DNAJC1: variants seen among roughly 807,000 people sequenced by gnomAD.
DNAJC1 encodes the protein DnaJ heat shock protein family (Hsp40) member C1.
DNAJC1 carries 58 observed loss-of-function variants against 76.6 expected under a neutral mutation model. That is an observed-to-expected ratio of 0.76 (90% CI 0.61 to 0.94). The LOEUF (loss-of-function observed/expected upper bound fraction) is 0.94. Among genes scored for constraint, DNAJC1 ranks in the 40% least tolerant of loss-of-function variants. The probability of loss-of-function intolerance (pLI) is 0.00; values close to 1 mark genes in which losing one functional copy is unlikely to be tolerated. For missense variants in DNAJC1, 689 were observed against 677.3 expected (o/e 1.02, Z -0.19); for synonymous variants, 258 against 267.9 (o/e 0.96, Z 0.36).
chr10:21,834,508 G>A (rs941973442), intron 8 of DNAJC1, among the ~76,000 whole-genome samples: 7 of 152,184 alleles, frequency 4.6e-5, no homozygotes, highest in African/African-American at 7.2e-5. Flanking sequence ...TACGCGAGCC[G>A]AAGCAGGGCG....
At chr10:21,932,542 G>T (rs964470830) in intron 1 of DNAJC1, among the ~76,000 whole-genome samples, 18 of 152,104 alleles carry the variant, frequency 1.2e-4, no homozygotes, top group African/African-American at 3.9e-4. Context: ...CAGCAATTAG[G>T]CAAGCACTTA....
intron 10 of DNAJC1, among the ~76,000 whole-genome samples, chr10:21,761,904 AT>A (rs1054972509): frequency 1.3e-5 from 2 of 151,724 alleles, no homozygotes; most frequent in Non-Finnish European, 2.9e-5. Context: ...TGAAAACACA[AT>A]TTTTTTTTAT....
chr10:21,823,102 A>G (rs1192129738), intron 8 of DNAJC1, among the ~76,000 whole-genome samples: 2 of 152,164 alleles, frequency 1.3e-5, no homozygotes, highest in Non-Finnish European at 2.9e-5. Context: ...TTTAAAAACA[A>G]GTGTTATTTA....
At chr10:21,874,508 T>C (rs753923705) in intron 8 of DNAJC1, among the ~76,000 whole-genome samples, 28 of 151,784 alleles carry the variant, frequency 1.8e-4, no homozygotes, top group Non-Finnish European at 3.5e-4. Flanking sequence ...ATGAGAACAT[T>C]ATGCCAAATT....
At chr10:21,768,750 T>C (rs191373447) in intron 9 of DNAJC1, among the ~76,000 whole-genome samples, 20 of 152,240 alleles carry the variant, frequency 1.3e-4, no homozygotes, top group Non-Finnish European at 2.5e-4. Context: ...CCTTGACTTC[T>C]GAATTTCCCA....
At chr10:21,847,332 T>G (rs993645212) in intron 8 of DNAJC1, among the ~76,000 whole-genome samples, 1 of 152,166 alleles carries the variant, frequency 6.6e-6, no homozygotes, top group Non-Finnish European at 1.5e-5. Flanking sequence ...ATATAATAAT[T>G]GGACATATTT....
chr10:21,907,275 C>T (rs1333942294), intron 6 of DNAJC1, among the ~76,000 whole-genome samples: 1 of 151,988 alleles, frequency 6.6e-6, no homozygotes, highest in Non-Finnish European at 1.5e-5. Flanking sequence ...CTTCCTTTTG[C>T]TCCATTTCTA....
At chr10:21,962,459 CTTT>C (rs34817098) in intron 1 of DNAJC1, among the ~76,000 whole-genome samples, 3 of 39,888 alleles carry the variant, frequency 7.5e-5, no homozygotes, top group Admixed American at 4.3e-4. Context: ...TATTTTATTG[CTTT>C]TTTTTTTTTT....
intron 1 of DNAJC1, among the ~76,000 whole-genome samples, chr10:21,940,944 A>T (rs1837396469): frequency 6.6e-6 from 1 of 151,946 alleles, no homozygotes; most frequent in Non-Finnish European, 1.5e-5. Context: ...GTTTTATAAT[A>T]AAGAGATTTA....
chr10:21,970,918 G>T (rs758939467), intron 1 of DNAJC1, among the ~76,000 whole-genome samples: 4 of 151,750 alleles, frequency 2.6e-5, no homozygotes, highest in Non-Finnish European at 5.9e-5. Flanking sequence ...CCTTATTGAG[G>T]TCTAGTTGAC....
chr10:21,808,334 C>A (rs941130369), intron 8 of DNAJC1, among the ~76,000 whole-genome samples: 1 of 152,050 alleles, frequency 6.6e-6, no homozygotes, highest in Non-Finnish European at 1.5e-5. Context: ...AAAAACAAAT[C>A]TGATTTTAAT....
chr10:21,948,220 A>G (rs1837537740), intron 1 of DNAJC1, among the ~76,000 whole-genome samples: 1 of 151,718 alleles, frequency 6.6e-6, no homozygotes, highest in African/African-American at 2.4e-5. Flanking sequence ...CCTCCCAAGT[A>G]GCTGGGATTA....
chr10:21,846,221 C>A (rs1024570262), intron 8 of DNAJC1, among the ~76,000 whole-genome samples: 4 of 152,190 alleles, frequency 2.6e-5, no homozygotes, highest in Non-Finnish European at 4.4e-5. Context: ...GGAGTTCAAG[C>A]ACAATGCCTG....
At chr10:21,985,290 C>T (rs1169387504) in intron 1 of DNAJC1, among the ~76,000 whole-genome samples, 1 of 149,150 alleles carries the variant, frequency 6.7e-6, no homozygotes, top group Non-Finnish European at 1.5e-5. Context: ...CACTCTGTTG[C>T]CCAGGCTGGA....
At chr10:21,960,603 T>A (rs778009894) in intron 1 of DNAJC1, among the ~76,000 whole-genome samples, 22 of 151,962 alleles carry the variant, frequency 1.4e-4, no homozygotes, top group Non-Finnish European at 2.9e-4. Context: ...AGTGGGAGGA[T>A]CACTTGAGCC....
Position 21,920,738 on chromosome 10 carries a change from G to C in DNAJC1, c.537+60C>G. The C allele has an allele frequency of 6.1e-6, 9 of 1,472,184 alleles. No homozygotes were observed. The South Asian group carries it at 1.1e-4, about 19-fold the overall frequency. The allele number at this position is 1,472,184 out of a possible 1,614,324, so 91.2% of individuals were successfully genotyped here. ...AATTTTCATCAGTTGAAAAATAAAT[G>C]TCCAAAATTCCATATAAAATTAAGG... On this transcript the variant is annotated intron_variant, in intron 4 of 11. Coordinates refer to ENST00000376980, the MANE Select transcript of DNAJC1 (RefSeq NM_022365.4).
At chr10:21,964,567 T>C (rs1303861097) in intron 1 of DNAJC1, among the ~76,000 whole-genome samples, 1 of 152,162 alleles carries the variant, frequency 6.6e-6, no homozygotes, top group Admixed American at 6.5e-5. Context: ...ATTTCTCTCA[T>C]ACAATGTTTG....
chr10:21,785,027 G>A (rs1019763180), intron 9 of DNAJC1, among the ~76,000 whole-genome samples: 12 of 152,134 alleles, frequency 7.9e-5, no homozygotes, highest in African/African-American at 2.7e-4. Flanking sequence ...TTGTGCACAT[G>A]TACCCTAGAA....
At chr10:21,823,386 T>C (rs1044518919) in intron 8 of DNAJC1, among the ~76,000 whole-genome samples, 7 of 152,172 alleles carry the variant, frequency 4.6e-5, no homozygotes, top group African/African-American at 1.7e-4. Flanking sequence ...CATGACACCA[T>C]TGATGATGCT....
Sources: allele counts gnomAD v4.1 joint callset (sites outside exome capture counted in the v4.1 genomes callset), GRCh38; gene constraint gnomAD v4.1.1; transcripts MANE v1.5; gene names NCBI Gene and HGNC (gene_info 2026-07-23, HGNC 2026-07-21).